CD2AP: variants seen among roughly 807,000 people sequenced by gnomAD.
The protein encoded by CD2AP is CD2-associated protein.
Under a neutral mutation model 85.1 loss-of-function variants are expected in CD2AP, and 46 were observed. That is an observed-to-expected ratio of 0.54 (90% CI 0.43 to 0.69). The LOEUF (loss-of-function observed/expected upper bound fraction) is 0.69, where lower values mean the gene tolerates loss of function less well. Among genes scored for constraint, CD2AP ranks in the 30% least tolerant of loss-of-function variants. The pLI is 0.00. For synonymous variants in CD2AP, 255 were observed against 252.9 expected (o/e 1.01, Z -0.08); for missense variants, 769 against 729.5 (o/e 1.05, Z -0.62).
intron 17 of CD2AP, among the ~76,000 whole-genome samples, chr6:47,617,994 A>G (rs190867769): frequency 5.0e-4 from 76 of 152,298 alleles, no homozygotes; most frequent in African/African-American, 1.7e-3. Context: ...AATTACCTTC[A>G]TTAAATTGAT....
intron 2 of CD2AP, among the ~76,000 whole-genome samples, chr6:47,533,199 C>T (rs1368112659): frequency 6.6e-6 from 1 of 152,190 alleles, no homozygotes; most frequent in Non-Finnish European, 1.5e-5. Context: ...TTATACCACA[C>T]ATAGGAGTGT....
chr6:47,591,725 G>A (rs1259046972), intron 11 of CD2AP, among the ~76,000 whole-genome samples: 1 of 152,062 alleles, frequency 6.6e-6, no homozygotes, highest in Non-Finnish European at 1.5e-5. Context: ...ATATTCTGAA[G>A]CAAATAAAAG....
intron 5 of CD2AP, among the ~76,000 whole-genome samples, chr6:47,562,412 T>G (rs1377922122): frequency 6.6e-6 from 1 of 152,160 alleles, no homozygotes; most frequent in Non-Finnish European, 1.5e-5. Flanking sequence ...TGATGAGAGC[T>G]AGGAATAATG....
chr6:47,609,531 A>T lies in CD2AP; in HGVS notation c.1814+227A>T, dbSNP rs1010392324. 113 of 287,072 alleles carry T rather than the reference A, an allele frequency of 3.9e-4. 3 individuals are homozygous for T. Among genetic ancestry groups the T allele is most frequent in the Non-Finnish European group, 6.3e-5 (10 of 157,802 alleles). The allele number at this position is 287,072 out of a possible 1,614,324, so 17.8% of individuals were successfully genotyped here. On this transcript the variant is annotated intron_variant, in intron 16 of 17. Transcript: ENST00000359314. The stretch of plus-strand genomic sequence containing the variant: ...ATCTTTGCAAAAAAAAAAAAAAAAA[A>T]GAAAAGAAAAGAAAAGAAAAAGCCA...
intron 17 of CD2AP, among the ~76,000 whole-genome samples, chr6:47,622,392 C>T (rs1391651297): frequency 2.0e-5 from 3 of 152,252 alleles, no homozygotes; most frequent in Non-Finnish European, 4.4e-5. Flanking sequence ...CAAAGTTTAG[C>T]TAGAGATTTC....
chr6:47,488,382 A>G (rs4711878), intron 1 of CD2AP, among the ~76,000 whole-genome samples: 40,897 of 152,068 alleles, frequency 0.27, 5,686 homozygotes, highest in African/African-American at 0.33. Flanking sequence ...GAGTTGTTAC[A>G]TATGTGTAAT....
chr6:47,513,976 CTTTTCACA>C (rs1766387364), intron 2 of CD2AP, among the ~76,000 whole-genome samples: 1 of 151,864 alleles, frequency 6.6e-6, no homozygotes, highest in Non-Finnish European at 1.5e-5. Context: ...AGCTAGGCAT[CTTTTCACA>C]TTTCAGTTCC....
intron 2 of CD2AP, among the ~76,000 whole-genome samples, chr6:47,517,155 T>C (rs906487315): frequency 2.0e-5 from 3 of 152,306 alleles, no homozygotes; most frequent in Middle Eastern, 3.4e-3. Context: ...TTGTTCCTGC[T>C]CTCACTATGT....
At chr6:47,519,093 CTT>C (rs1233259189) in intron 2 of CD2AP, among the ~76,000 whole-genome samples, 2 of 152,278 alleles carry the variant, frequency 1.3e-5, no homozygotes, top group Admixed American at 6.5e-5. Context: ...ACACAGATAA[CTT>C]CACTCTTTTT....
chr6:47,560,989 A>G (rs1403254119), intron 5 of CD2AP, among the ~76,000 whole-genome samples: 3 of 152,058 alleles, frequency 2.0e-5, no homozygotes, highest in East Asian at 1.9e-4. Context: ...CGGTTTATGT[A>G]TTTATCAGTG....
chr6:47,606,288 C>T lies in CD2AP; in HGVS notation c.1530+11C>T, dbSNP rs1223340510. On this transcript the variant is annotated intron_variant, in intron 14 of 17. Transcript: ENST00000359314. The stretch of plus-strand genomic sequence containing the variant: ...AATGGTGGACATTCTGTGAGTTCAT[C>T]TAATTGTCGTAAACTACAGTATATT... 7.0e-7 allele frequency: 1 copy of T among 1,436,164 alleles called. No homozygotes were observed. Among genetic ancestry groups the T allele is most frequent in the African/African-American group, 1.4e-5 (1 of 71,442 alleles). 89.0% of individuals were successfully genotyped at this position (1,436,164 alleles called of 1,614,324 possible). A position where few individuals can be genotyped will look rare whatever the true frequency, so the allele number is the denominator to read the frequency against.
At chr6:47,529,200 C>G (rs78651325) in intron 2 of CD2AP, among the ~76,000 whole-genome samples, 6 of 70,868 alleles carry the variant, frequency 8.5e-5, no homozygotes, top group Non-Finnish European at 1.8e-4. Context: ...CCCCCCCCCC[C>G]AACTTATTGC....
chr6:47,567,789 G>T (rs902480355), intron 5 of CD2AP, among the ~76,000 whole-genome samples: 1 of 152,180 alleles, frequency 6.6e-6, no homozygotes, highest in Admixed American at 6.5e-5. Context: ...TGAGCCTGGA[G>T]AAATTATTGG....
intron 8 of CD2AP, among the ~76,000 whole-genome samples, chr6:47,578,258 T>A (rs1768366910): frequency 6.6e-6 from 1 of 151,416 alleles, no homozygotes; most frequent in Admixed American, 6.6e-5. Context: ...TGGCGTGCAG[T>A]GGTGTGATCA....
At chr6:47,564,009 T>C (rs539508673) in intron 5 of CD2AP, among the ~76,000 whole-genome samples, 24 of 152,286 alleles carry the variant, frequency 1.6e-4, no homozygotes, top group African/African-American at 5.1e-4. Flanking sequence ...AGAAAAATCA[T>C]TGAGGTAGGA....
Position 47,554,659 on chromosome 6 carries a change from G to A in CD2AP, c.434G>A (p.Trp145Ter). The A allele has an allele frequency of 1.2e-6, 2 of 1,613,638 alleles. No homozygotes were observed. Among genetic ancestry groups the A allele is most frequent in the Non-Finnish European group, 1.7e-6 (2 of 1,179,730 alleles). ...IDINEEVEEG[W>*]WSGTLNNKLG... ...GAACTTTTTCAGGTAGAAGAAGGCT[G>A]GTGGAGTGGAACCCTGAATAACAAG... Residue 145 changes from tryptophan (W) to a stop codon, truncating the protein, a stop_gained, in exon 5 of 18, where the codon TGG becomes TAG. Coordinates refer to ENST00000359314, the MANE Select transcript of CD2AP (RefSeq NM_012120.3). LOFTEE classifies it high-confidence loss of function.
rs749955608 is a variant in CD2AP at position 47,579,414 on chromosome 6, C to T, written c.933C>T (p.Gly311=). Reference sequence around the variant, plus strand: ...CTGGAGAAGCTGGCTGGTGGAGGGGCGAACTTAATGGTAAAGAAGGAGTAT... The same window carrying T: ...CTGGAGAAGCTGGCTGGTGGAGGGGTGAACTTAATGGTAAAGAAGGAGTAT... ...KETGEAGWWR[G]ELNGKEGVFP... Residue 311 remains glycine (G), a synonymous_variant, in exon 9 of 18, where the codon GGC becomes GGT. Coordinates refer to ENST00000359314, the MANE Select transcript of CD2AP (RefSeq NM_012120.3). The T allele has an allele frequency of 4.2e-5, 67 of 1,611,438 alleles. 1 individual carries two copies. The highest frequency in any genetic ancestry group is 6.7e-5 in the African/African-American group (5 of 74,666).
At chr6:47,605,809 G>A (rs1166463950) in intron 13 of CD2AP, among the ~76,000 whole-genome samples, 1 of 151,958 alleles carries the variant, frequency 6.6e-6, no homozygotes, top group East Asian at 1.9e-4. Context: ...AGTTTAAGAA[G>A]TAGATCTTTG....
intron 2 of CD2AP, among the ~76,000 whole-genome samples, chr6:47,518,297 C>T (rs1766503638): frequency 6.6e-6 from 1 of 152,154 alleles, no homozygotes; most frequent in African/African-American, 2.4e-5. Context: ...GCAGCTATAC[C>T]TATATACCTA....
Sources: allele counts gnomAD v4.1 joint callset (sites outside exome capture counted in the v4.1 genomes callset), GRCh38; gene constraint gnomAD v4.1.1; transcripts MANE v1.5; gene names NCBI Gene and HGNC (gene_info 2026-07-23, HGNC 2026-07-21).